CACNA1D: variants seen among roughly 807,000 people sequenced by gnomAD.
The protein encoded by CACNA1D is voltage-dependent L-type calcium channel subunit alpha-1D.
Under a neutral mutation model 257.1 loss-of-function variants are expected in CACNA1D, and 55 were observed. The observed-to-expected ratio is 0.21, with a 90% CI of 0.17 to 0.27. The LOEUF is 0.27. Ranked by LOEUF, CACNA1D falls within the 10% of genes least tolerant of loss-of-function variation. The probability of loss-of-function intolerance (pLI) is 1.00; values close to 1 mark genes in which losing one functional copy is unlikely to be tolerated. For missense variants in CACNA1D, 1,876 were observed against 2,784.0 expected, an observed-to-expected ratio of 0.67 and a Z score of 7.34; for synonymous variants, 980 against 1,014.9, an observed-to-expected ratio of 0.97 and a Z score of 0.65.
intron 3 of CACNA1D, among the ~76,000 whole-genome samples, chr3:53,574,947 G>A (rs1175934933): frequency 1.3e-5 from 2 of 152,234 alleles, no homozygotes; most frequent in South Asian, 2.1e-4. Context: ...CCTCGATGAC[G>A]TTGCAATGGT....
At chr3:53,693,782 T>G (rs2094549542) in intron 8 of CACNA1D, among the ~76,000 whole-genome samples, 1 of 152,206 alleles carries the variant, frequency 6.6e-6, no homozygotes, top group Non-Finnish European at 1.5e-5. Context: ...GTGGCAGTTT[T>G]CAATGGAGGT....
chr3:53,503,481 C>T (rs559374977), intron 3 of CACNA1D, among the ~76,000 whole-genome samples: 77 of 152,256 alleles, frequency 5.1e-4, no homozygotes, highest in African/African-American at 1.8e-3. Flanking sequence ...TGTTACTTTT[C>T]GTAGCTCAAG....
chr3:53,735,283 G>A (rs2095046363), intron 19 of CACNA1D, 91 bp from the exon 20 acceptor site: 1 of 1,206,796 alleles, frequency 8.3e-7, no homozygotes, highest in African/African-American at 1.5e-5. Flanking sequence ...CCCTCTGCCT[G>A]GCCTCTTGCT....
At chr3:53,750,768 C>T (rs1559622739) in intron 27 of CACNA1D, among the ~76,000 whole-genome samples, 1 of 152,132 alleles carries the variant, frequency 6.6e-6, no homozygotes, top group Non-Finnish European at 1.5e-5. Context: ...AGAGCAGCGC[C>T]GGGTCCCAGA....
At chr3:53,509,015 A>G (rs2090989221) in intron 3 of CACNA1D, among the ~76,000 whole-genome samples, 1 of 152,194 alleles carries the variant, frequency 6.6e-6, no homozygotes, top group Non-Finnish European at 1.5e-5. Context: ...AGATGTTAGC[A>G]TCCCCACCAT....
At position 53,786,835 on chromosome 3, in the gene CACNA1D, C is replaced by T. The variant is rs991389156; in HGVS notation, c.4806C>T (p.Thr1602=). Residue 1602 remains threonine (T), a synonymous_variant, in exon 40 of 48, where the codon ACC becomes ACT. Coordinates refer to ENST00000350061, the MANE Select transcript of CACNA1D (RefSeq NM_001128840.3). ...VVPPAGDDEV[T]VGKFYATFLI... is the part of the protein sequence containing the mutation. ...CTCTCCGTTTAGATGATGAGGTAACCGTGGGGAAGTTCTATGCCACTTTCC... is the reference window on the plus strand; with the variant it reads ...CTCTCCGTTTAGATGATGAGGTAACTGTGGGGAAGTTCTATGCCACTTTCC... 11 of 1,612,180 alleles carry T rather than the reference C, an allele frequency of 6.8e-6. No individual in the cohort carries two copies. Among genetic ancestry groups the T allele is most frequent in the Admixed American group, 3.3e-5 (2 of 59,914 alleles).
At chr3:53,742,930 TC>T in intron 21 of CACNA1D, 80 bp from the exon 22 acceptor site, 1 of 864,782 alleles carries the variant, frequency 1.2e-6, no homozygotes, top group Admixed American at 1.7e-5. Flanking sequence ...AGTTATACTT[TC>T]CTCAAGATTT....
intron 2 of CACNA1D, among the ~76,000 whole-genome samples, chr3:53,501,399 G>A (rs756125863): frequency 6.6e-6 from 1 of 152,172 alleles, no homozygotes; most frequent in Non-Finnish European, 1.5e-5. Context: ...AGAAGAAAAG[G>A]ACACGGAGAG....
intron 3 of CACNA1D, among the ~76,000 whole-genome samples, chr3:53,600,330 G>A (rs1275671923): frequency 6.6e-6 from 1 of 152,192 alleles, no homozygotes; most frequent in Non-Finnish European, 1.5e-5. Flanking sequence ...CTGAATCAGA[G>A]GCCCAGAGGC....
chr3:53,810,032 C>A lies in CACNA1D; in HGVS notation c.5926C>A (p.His1976Asn), dbSNP rs1435418771. ...SSKAQKYSPS[H>N]STRSWATPPA... ...TAAAGCCCAGAAGTACTCACCGAGT[C>A]ACTCGACCCGGTCGTGGGCCACCCC... The change falls in exon 47 of 48, where the codon CAC (histidine) becomes AAC (asparagine). Residue 1976 changes from histidine (H) to asparagine (N), a missense_variant. Around this residue, in one of 10 missense-constraint regions of CACNA1D, gnomAD observed 491 missense variants for 554.3 expected, o/e 0.89. Coordinates refer to ENST00000350061, the MANE Select transcript of CACNA1D (RefSeq NM_001128840.3). 2 of 1,613,942 alleles carry A rather than the reference C, an allele frequency of 1.2e-6. No homozygotes were observed. Among genetic ancestry groups the A allele is most frequent in the Non-Finnish European group, 1.7e-6 (2 of 1,180,040 alleles).
At chr3:53,659,990 C>T (rs2094187598) in intron 4 of CACNA1D, 143 bp from the exon 5 acceptor site, 6 of 735,144 alleles carry the variant, frequency 8.2e-6, no homozygotes, top group African/African-American at 5.3e-5. Flanking sequence ...AATTCCACAG[C>T]CCAGTTCTTG....
At chr3:53,552,627 C>T (rs1478080446) in intron 3 of CACNA1D, among the ~76,000 whole-genome samples, 4 of 152,116 alleles carry the variant, frequency 2.6e-5, no homozygotes, top group Admixed American at 6.5e-5. Context: ...GTGATCTGCC[C>T]GCCTCGGCCT....
At chr3:53,735,903 C>G (rs1047440977) in intron 20 of CACNA1D, among the ~76,000 whole-genome samples, 1 of 152,172 alleles carries the variant, frequency 6.6e-6, no homozygotes, top group Non-Finnish European at 1.5e-5. Context: ...CCAGGCACAC[C>G]ACATGCCCAG....
intron 8 of CACNA1D, chr3:53,679,270 CAAAAAAAAAAAAAAAAAAAAAAAAA>C (rs1166823497): frequency 6.1e-4 from 10 of 16,308 alleles, no homozygotes; most frequent in Non-Finnish European, 1.1e-3. Context: ...AACTCCATCT[CAAAAAAAAAAAAAAAAAAAAAAAAA>C]AAAAAAAAAA....
At chr3:53,802,357 T>C (rs1344802394) in intron 43 of CACNA1D, among the ~76,000 whole-genome samples, 184 bp downstream of exon 43, 1 of 152,236 alleles carries the variant, frequency 6.6e-6, no homozygotes, top group Non-Finnish European at 1.5e-5. Flanking sequence ...TTCAGATCCA[T>C]ATCTCTGTCG....
intron 4 of CACNA1D, among the ~76,000 whole-genome samples, chr3:53,652,687 G>A (rs1287709719): frequency 6.6e-5 from 10 of 152,224 alleles, no homozygotes; most frequent in Admixed American, 6.5e-4. Flanking sequence ...GTGCTAAACT[G>A]GCTCTAGAGC....
chr3:53,684,316 G>A (rs2094455784), intron 8 of CACNA1D, among the ~76,000 whole-genome samples: 1 of 152,092 alleles, frequency 6.6e-6, no homozygotes, highest in Non-Finnish European at 1.5e-5. Flanking sequence ...AACGTTAAAT[G>A]TCCGCTTTAA....
At chr3:53,809,629 C>T (rs367571589) in intron 46 of CACNA1D, 12 of 359,354 alleles carry the variant, frequency 3.3e-5, no homozygotes, top group East Asian at 3.1e-4. Flanking sequence ...GAATGTACTT[C>T]GGTATTTAAA....
At chr3:53,720,892 C>A (rs931524323) in intron 11 of CACNA1D, among the ~76,000 whole-genome samples, 2 of 152,212 alleles carry the variant, frequency 1.3e-5, no homozygotes. Flanking sequence ...GCCCAGCCAT[C>A]CCACTTCTAA....
Sources: gnomAD v4.1 joint callset for allele counts (sites outside exome capture counted in the v4.1 genomes callset) on GRCh38, gnomAD v4.1.1 for gene constraint, gnomAD v4.1.1 regional missense constraint, MANE v1.5 for transcripts, NCBI Gene and HGNC (gene_info 2026-07-23, HGNC 2026-07-21) for gene names.